PGF: variants seen among roughly 807,000 people sequenced by gnomAD.
The protein encoded by PGF is placenta growth factor.
In PGF, 11 loss-of-function variants were observed where a neutral mutation model predicts 25.3. The ratio of observed to expected loss-of-function variants is 0.43; its 90% CI spans 0.27 to 0.72. PGF has a LOEUF of 0.72. PGF is among the 30% of genes least tolerant of loss of function. The pLI is 0.18. For missense variants in PGF, 230 were observed against 234.9 expected, an observed-to-expected ratio of 0.98 and a Z score of 0.14; for synonymous variants, 105 against 97.9, an observed-to-expected ratio of 1.07 and a Z score of -0.43.
In PGF at chr14:74,955,573, C is replaced by T. The variant is rs1055870330; in HGVS notation, c.-331G>A. 16 of 256,104 alleles carry T rather than the reference C, an allele frequency of 6.2e-5. No individual in the cohort carries two copies. Among genetic ancestry groups the T allele is most frequent in the Non-Finnish European group, 1.1e-4 (15 of 135,688 alleles). 15.9% of individuals were successfully genotyped at this position (256,104 alleles called of 1,614,324 possible). A position where few individuals can be genotyped will look rare whatever the true frequency, so the allele number is the denominator to read the frequency against. ...GGGCGGCCGTCCGTCGATGCAGTTT[C>T]CTCCGCAGACAGCAGCTCCCTTCTG... On this transcript the variant is annotated 5_prime_UTR_variant, in exon 1 of 7. Transcript: ENST00000555567. This position sits in a 1 kb window ranked among gnomAD's most constrained non-coding sequence, Gnocchi z 4.1.
At chr14:74,943,854 A>T (rs1182154377) in intron 6 of PGF, among the ~76,000 whole-genome samples, 2 of 152,216 alleles carry the variant, frequency 1.3e-5, no homozygotes, top group Non-Finnish European at 2.9e-5. Flanking sequence ...TCCAGGAGAA[A>T]ATTTAATTTA....
In PGF at chr14:74,953,505, C is replaced by G. The variant is rs1205415573; in HGVS notation, c.118+399G>C. Among the ~76,000 whole-genome samples, 1 of 152,092 alleles carries G rather than the reference C, an allele frequency of 6.6e-6. No homozygotes were observed. The highest frequency in any genetic ancestry group is 2.4e-5 in the African/African-American group (1 of 41,398). On this transcript the variant is annotated intron_variant, in intron 2 of 6. Transcript: ENST00000555567. This position sits in a 1 kb window ranked among gnomAD's most constrained non-coding sequence, Gnocchi z 5.4. ...CCAGGGCTGGGCTGCTGGGGAGGGC[C>G]CCTCACCCATTCCTGATCCTCTTGA...
intron 2 of PGF, among the ~76,000 whole-genome samples, chr14:74,951,438 C>T (rs1888869657): frequency 6.6e-6 from 1 of 152,238 alleles, no homozygotes; most frequent in Non-Finnish European, 1.5e-5. Flanking sequence ...CACTACGTGA[C>T]TCTGAACGTT....
chr14:74,946,281 A>G lies in PGF; in HGVS notation c.423-6T>C, dbSNP rs1888731922. 7 of 1,614,186 alleles carry G rather than the reference A, an allele frequency of 4.3e-6. No homozygotes were observed. Among genetic ancestry groups the G allele is most frequent in the Non-Finnish European group, 5.1e-6 (6 of 1,180,004 alleles). ...CCCTGCCCTTGGGTCTCCTCCTGCA[A>G]TAAGCCAAGCGTCAGGACAAGGTGG... On this transcript the variant is annotated splice_polypyrimidine_tract_variant and splice_region_variant and intron_variant, in intron 5 of 6. Transcript: ENST00000555567.
chr14:74,946,812 C>A (rs763266512), intron 4 of PGF: 1 of 736,348 alleles, frequency 1.4e-6, no homozygotes, highest in Non-Finnish European at 2.5e-6. Flanking sequence ...GGCCAGACAG[C>A]GGACTGGCTG....
chr14:74,942,674 G>T lies in PGF; in HGVS notation c.*32C>A. On this transcript the variant is annotated 3_prime_UTR_variant, in exon 7 of 7. Transcript: ENST00000555567. The stretch of plus-strand genomic sequence containing the variant: ...TGTGACGGTAATAAATACACGAGCC[G>T]GGTGCGGGGTCTCTCTCCTCCAAGG... The T allele has an allele frequency of 6.2e-7, 1 of 1,607,982 alleles. No individual in the cohort carries two copies.
chr14:74,944,402 T>A (rs1888679484), intron 6 of PGF, among the ~76,000 whole-genome samples: 1 of 152,030 alleles, frequency 6.6e-6, no homozygotes, highest in South Asian at 2.1e-4. Context: ...GCGCCTGGCC[T>A]GCTTGTTCAT....
At chr14:74,949,993 C>T (rs1263366934) in intron 2 of PGF, among the ~76,000 whole-genome samples, 1 of 152,158 alleles carries the variant, frequency 6.6e-6, no homozygotes, top group Admixed American at 6.5e-5. Context: ...CCTTCCACGG[C>T]TCCCTCATTT....
chr14:74,948,670 G>A (rs572259295), intron 3 of PGF, 87 bp from the exon 4 acceptor site: 18 of 812,332 alleles, frequency 2.2e-5, no homozygotes, highest in African/African-American at 1.4e-4. Flanking sequence ...AGGAGAACCC[G>A]ACTCTGTTTC....
Position 74,955,399 on chromosome 14 carries a change from G to A in PGF, c.-157C>T. On this transcript the variant is annotated 5_prime_UTR_variant, in exon 1 of 7. Transcript: ENST00000555567. The surrounding 1 kb of genome is among the most constrained non-coding windows in gnomAD (Gnocchi z 4.1). ...CGGCCGGTGGTTCGAGCATCTTCTG[G>A]AAGCCTTGCGGAGTCAGGAGCCCGT... is the stretch of plus-strand genomic sequence containing the variant. 1 of 423,992 alleles carries A rather than the reference G, an allele frequency of 2.4e-6. No individual in the cohort carries two copies. Among genetic ancestry groups the A allele is most frequent in the East Asian group, 3.6e-5 (1 of 28,084 alleles). 26.3% of individuals were successfully genotyped at this position (423,992 alleles called of 1,614,324 possible).
In PGF at chr14:74,950,948, A is replaced by G. The variant is rs937681518; in HGVS notation, c.119-1395T>C. Among the ~76,000 whole-genome samples, 2 of 152,158 alleles carry G rather than the reference A, an allele frequency of 1.3e-5. No homozygotes were observed. Among genetic ancestry groups the G allele is most frequent in the African/African-American group, 4.8e-5 (2 of 41,438 alleles). ...CTCCCAGCAACCCCTCATTTCTTCC[A>G]TGCCTCTGCCTAGGAGGCAGAAGGG... On this transcript the variant is annotated intron_variant, in intron 2 of 6. Coordinates refer to ENST00000555567, the MANE Select transcript of PGF (RefSeq NM_002632.6). This position sits in a 1 kb window ranked among gnomAD's most constrained non-coding sequence, Gnocchi z 4.1.
At chr14:74,946,559 G>T (rs960336162) in intron 4 of PGF, 151 bp from the exon 5 acceptor site, 19 of 709,512 alleles carry the variant, frequency 2.7e-5, no homozygotes, top group Non-Finnish European at 4.4e-5. Context: ...AGTTGGCAAG[G>T]GAGAGGTGGC....
In PGF at chr14:74,949,808, G is replaced by A. The variant is rs533188644; in HGVS notation, c.119-255C>T. Among the ~76,000 whole-genome samples the A allele has an allele frequency of 2.7e-3, 414 of 152,280 alleles. 1 individual carries two copies. Among genetic ancestry groups the A allele is most frequent in the African/African-American group, 5.2e-3 (215 of 41,544 alleles). On this transcript the variant is annotated intron_variant, in intron 2 of 6. Coordinates refer to ENST00000555567, the MANE Select transcript of PGF (RefSeq NM_002632.6). ...CTCTGTCCTCAACTCAGGCACCCAC[G>A]TCTGCCTTGGCTCCCTGGAGCTTTG...
At position 74,953,855 on chromosome 14, in the gene PGF, G is replaced by A. The variant is rs1246013668; in HGVS notation, c.118+49C>T. ...TGCCACACCTGGGCTTGGGAGAAAG[G>A]AAGAGAGGGGCTTGGGGAGCATGCG... is the stretch of plus-strand genomic sequence containing the variant. On this transcript the variant is annotated intron_variant, in intron 2 of 6. Transcript: ENST00000555567. The surrounding 1 kb of genome is among the most constrained non-coding windows in gnomAD (Gnocchi z 5.4). The A allele has an allele frequency of 1.3e-6, 2 of 1,589,462 alleles. No homozygotes were observed. The highest frequency in any genetic ancestry group is 2.7e-5 in the African/African-American group (2 of 74,596).
In PGF at chr14:74,945,574, T is replaced by C. The variant is rs57648657; in HGVS notation, c.485+639A>G. 1,220 of 152,578 alleles carry C rather than the reference T, an allele frequency of 8.0e-3. 16 individuals carry two copies. The highest frequency in any genetic ancestry group is 0.028 in the African/African-American group (1,160 of 41,316). The allele number at this position is 152,578 out of a possible 1,614,324, so 9.5% of individuals were successfully genotyped here. On this transcript the variant is annotated intron_variant, in intron 6 of 6. Transcript: ENST00000555567. Reference sequence around the variant, plus strand: ...CCTCTCTTCAGTGACTGATTGACTGTGCACGTGAAATATTTTATTTTTTCT... The same window carrying C: ...CCTCTCTTCAGTGACTGATTGACTGCGCACGTGAAATATTTTATTTTTTCT...
At chr14:74,955,670 C>T (rs1888975760), upstream of PGF, 1 of 155,148 alleles carries the variant, frequency 6.4e-6, no homozygotes, top group African/African-American at 2.4e-5. This position sits in a 1 kb window ranked among gnomAD's most constrained non-coding sequence, Gnocchi z 4.1. Flanking sequence ...CCCCGCCCAC[C>T]GCAGACGAGG....
Position 74,942,729 on chromosome 14 carries a change from C to G in PGF, c.490G>C (p.Gly164Arg), listed in dbSNP as rs761626020. The G allele has an allele frequency of 7.5e-6, 12 of 1,610,454 alleles. No homozygotes were observed. Among genetic ancestry groups the G allele is most frequent in the Admixed American group, 1.7e-5 (1 of 59,302 alleles). Residue 164 changes from glycine (G) to arginine (R), a missense_variant, in exon 7 of 7, where the codon GGC (glycine) becomes CGC (arginine). Physicochemically the swap from Gly to Arg is moderately radical, Grantham distance 125. Transcript: ENST00000555567. Reference protein sequence around the residue: ...KQRPTDCHLCGDAVPRR With the variant: ...KQRPTDCHLCRDAVPRR ...GGTTACCTCCGGGGAACAGCATCGC[C>G]GCACCTGCCAGAGACCAAGCACAGA... is the stretch of plus-strand genomic sequence containing the variant.
intron 2 of PGF, among the ~76,000 whole-genome samples, chr14:74,952,374 T>A (rs901550095): frequency 3.3e-5 from 5 of 152,172 alleles, no homozygotes; most frequent in Non-Finnish European, 5.9e-5. Flanking sequence ...CACGGAGCTA[T>A]TGGGAGCACT....
At chr14:74,949,981 C>T (rs943285262) in intron 2 of PGF, among the ~76,000 whole-genome samples, 4 of 152,152 alleles carry the variant, frequency 2.6e-5, no homozygotes, top group Non-Finnish European at 5.9e-5. Flanking sequence ...TCTGCTCAAA[C>T]ACCTTCCACG....
Sources: gnomAD v4.1 joint callset for allele counts (sites outside exome capture counted in the v4.1 genomes callset) on GRCh38, gnomAD v4.1.1 for gene constraint, Gnocchi (gnomAD v3.1) non-coding constraint, MANE v1.5 for transcripts, NCBI Gene and HGNC (gene_info 2026-07-23, HGNC 2026-07-21) for gene names.